The following IMMP2L variants were observed in gnomAD, a reference collection of about 807,000 sequenced individuals.
IMMP2L encodes the protein inner mitochondrial membrane peptidase subunit 2.
IMMP2L carries 18 observed loss-of-function variants against 19.3 expected under a neutral mutation model. That is an observed-to-expected ratio of 0.93 (90% CI 0.64 to 1.38). IMMP2L has a LOEUF of 1.38. Ranked by LOEUF, IMMP2L falls within the 40% of genes most tolerant of loss-of-function variation. The pLI is 0.00. For synonymous variants in IMMP2L, 76 were observed against 73.0 expected, an observed-to-expected ratio of 1.04 and a Z score of -0.21; for missense variants, 233 against 218.2, an observed-to-expected ratio of 1.07 and a Z score of -0.43.
At chr7:111,205,348 A>G (rs1810584903) in intron 3 of IMMP2L, among the ~76,000 whole-genome samples, 1 of 152,322 alleles carries the variant, frequency 6.6e-6, no homozygotes, top group South Asian at 2.1e-4. Context: ...ACATACATCA[A>G]TAAGTGAAGC....
At chr7:111,491,446 C>A (rs1286444717) in intron 2 of IMMP2L, among the ~76,000 whole-genome samples, 1 of 152,074 alleles carries the variant, frequency 6.6e-6, no homozygotes, top group African/African-American at 2.4e-5. Context: ...TAGTTCTTGG[C>A]CCATACTTAC....
chr7:111,553,017 T>C, intron 1 of IMMP2L, among the ~76,000 whole-genome samples: 1 of 152,100 alleles, frequency 6.6e-6, no homozygotes, highest in Non-Finnish European at 1.5e-5. Context: ...GATGCTCCTA[T>C]AAAACTTCCA....
chr7:110,753,425 T>A (rs1394311262), intron 5 of IMMP2L, among the ~76,000 whole-genome samples: 1 of 152,026 alleles, frequency 6.6e-6, no homozygotes, highest in Admixed American at 6.6e-5. Flanking sequence ...TTCCTGCAAA[T>A]GGGCATAATG....
At chr7:111,316,858 T>C (rs1255958350) in intron 3 of IMMP2L, among the ~76,000 whole-genome samples, 6 of 140,268 alleles carry the variant, frequency 4.3e-5, no homozygotes, top group East Asian at 2.0e-4. Context: ...TTTTTTTTTT[T>C]TTTTTTTTTT....
At chr7:110,793,191 G>A (rs964346775) in intron 5 of IMMP2L, among the ~76,000 whole-genome samples, 1 of 151,990 alleles carries the variant, frequency 6.6e-6, no homozygotes, top group African/African-American at 2.4e-5. Context: ...AGGCCGAAGT[G>A]GGTGGATCAC....
chr7:110,754,018 G>C (rs2130933133), intron 5 of IMMP2L, among the ~76,000 whole-genome samples: 1 of 152,000 alleles, frequency 6.6e-6, no homozygotes, highest in Non-Finnish European at 1.5e-5. Context: ...TGCATAGTTT[G>C]AAACCATCAT....
chr7:111,064,338 C>A (rs1329967940), intron 3 of IMMP2L, among the ~76,000 whole-genome samples: 1 of 152,112 alleles, frequency 6.6e-6, no homozygotes, highest in African/African-American at 2.4e-5. Flanking sequence ...GACACAGGGC[C>A]AAACCATATC....
chr7:111,452,460 T>C (rs1297377811), intron 3 of IMMP2L, among the ~76,000 whole-genome samples: 1 of 152,164 alleles, frequency 6.6e-6, no homozygotes, highest in African/African-American at 2.4e-5. Context: ...ATAAGTAAGA[T>C]TTATTTCCAA....
At chr7:110,980,229 T>C (rs75019890) in intron 3 of IMMP2L, among the ~76,000 whole-genome samples, 1 of 135,428 alleles carries the variant, frequency 7.4e-6, no homozygotes, top group Admixed American at 7.4e-5. Context: ...TGCTGCTTCT[T>C]TTTTTTTTTT....
At chr7:110,699,062 G>A (rs1350847691) in intron 5 of IMMP2L, among the ~76,000 whole-genome samples, 1 of 152,110 alleles carries the variant, frequency 6.6e-6, no homozygotes, top group Admixed American at 6.5e-5. Context: ...TATTCTTAGT[G>A]GCCTTAATTT....
chr7:111,377,523 C>T (rs17158536), intron 3 of IMMP2L, among the ~76,000 whole-genome samples: 3,974 of 152,010 alleles, frequency 0.026, 176 homozygotes, highest in African/African-American at 0.09. Context: ...CATTCTAGTA[C>T]GGCTGTCAGT....
chr7:110,801,913 A>G (rs1801273264), intron 5 of IMMP2L, among the ~76,000 whole-genome samples: 1 of 152,070 alleles, frequency 6.6e-6, no homozygotes, highest in African/African-American at 2.4e-5. Context: ...GGTAGGTGGT[A>G]GGAGAAGCAG....
intron 3 of IMMP2L, among the ~76,000 whole-genome samples, chr7:111,443,851 AGAAG>A (rs749577219): frequency 1.4e-4 from 22 of 152,144 alleles, no homozygotes; most frequent in Non-Finnish European, 2.9e-4. Context: ...AAGTTAAAAA[AGAAG>A]GAATTTGATT....
chr7:111,178,823 C>A (rs921458646), intron 3 of IMMP2L, among the ~76,000 whole-genome samples: 1 of 152,052 alleles, frequency 6.6e-6, no homozygotes, highest in African/African-American at 2.4e-5. Context: ...GTTACTCTCT[C>A]CACTTATGTC....
intron 3 of IMMP2L, among the ~76,000 whole-genome samples, chr7:111,205,178 T>C (rs1056699507): frequency 6.6e-6 from 1 of 152,126 alleles, no homozygotes; most frequent in Admixed American, 6.5e-5. Context: ...AAAACAGGCC[T>C]AAGACCCTCC....
intron 5 of IMMP2L, among the ~76,000 whole-genome samples, chr7:110,754,161 A>G (rs913081272): frequency 5.9e-5 from 9 of 152,082 alleles, no homozygotes; most frequent in African/African-American, 2.2e-4. Context: ...AAGGTAAAAG[A>G]TAATCAACAT....
chr7:111,355,336 A>G (rs1828591126), intron 3 of IMMP2L, among the ~76,000 whole-genome samples: 1 of 151,828 alleles, frequency 6.6e-6, no homozygotes, highest in South Asian at 2.1e-4. Flanking sequence ...TTTCTTATAT[A>G]AATTAATTAT....
At chr7:111,037,639 G>C (rs1791479285) in intron 3 of IMMP2L, among the ~76,000 whole-genome samples, 1 of 152,100 alleles carries the variant, frequency 6.6e-6, no homozygotes, top group South Asian at 2.1e-4. Context: ...AAATTCAGTT[G>C]TCTTTGCTTC....
rs146501227 is a variant in IMMP2L at position 111,558,294 on chromosome 7, T to C, written c.-3+3557A>G. On this transcript the variant is annotated intron_variant, in intron 1 of 5. Coordinates refer to ENST00000405709, the MANE Select transcript of IMMP2L (RefSeq NM_032549.4). ...TGAGTCCTCACTACCAAATCCCCAA[T>C]ACCATGGGTAGTTCCCCTCCAATGG... Among the ~76,000 whole-genome samples the C allele has an allele frequency of 4.0e-3, 610 of 152,228 alleles. 2 individuals are homozygous for C. Among genetic ancestry groups the C allele is most frequent in the Non-Finnish European group, 5.5e-3 (377 of 67,996 alleles).
Sources: allele counts gnomAD v4.1 joint callset (sites outside exome capture counted in the v4.1 genomes callset), GRCh38; gene constraint gnomAD v4.1.1; transcripts MANE v1.5; gene names NCBI Gene and HGNC (gene_info 2026-07-23, HGNC 2026-07-21).